The following DLGAP1 variants were observed in gnomAD, a reference collection of about 807,000 sequenced individuals.
DLGAP1 encodes the protein disks large-associated protein 1.
DLGAP1 carries 11 observed loss-of-function variants against 90.8 expected under a neutral mutation model. That is an observed-to-expected ratio of 0.12 (90% CI 0.08 to 0.20). DLGAP1 has a LOEUF of 0.20. Among genes scored for constraint, DLGAP1 ranks in the 10% least tolerant of loss-of-function variants. The pLI is 1.00. For synonymous variants in DLGAP1, 558 were observed against 540.7 expected (o/e 1.03, Z -0.44); for missense variants, 1,050 against 1,333.8 (o/e 0.79, Z 3.31).
intron 1 of DLGAP1, among the ~76,000 whole-genome samples, chr18:4,219,984 A>C (rs1037524446): frequency 3.3e-5 from 5 of 152,048 alleles, no homozygotes; most frequent in African/African-American, 1.2e-4. Flanking sequence ...GTTCCATATA[A>C]ATTTTAGGAC....
chr18:4,151,128 T>TA (rs767140275), intron 2 of DLGAP1, 52 bp downstream of exon 2: 32 of 152,198 alleles, frequency 2.1e-4, no homozygotes, highest in Non-Finnish European at 4.3e-4. Flanking sequence ...AGGAAGCTGT[T>TA]ATTTAAGAAA....
chr18:3,928,775 A>T (rs1371661363), intron 3 of DLGAP1, among the ~76,000 whole-genome samples: 1 of 152,154 alleles, frequency 6.6e-6, no homozygotes, highest in Non-Finnish European at 1.5e-5. Context: ...TGCCGAATTC[A>T]TATGCCTTAC....
intron 7 of DLGAP1, among the ~76,000 whole-genome samples, chr18:3,645,832 T>TG (rs1193351768): frequency 1.3e-5 from 2 of 152,220 alleles, no homozygotes; most frequent in African/African-American, 4.8e-5. Context: ...GAAATAGTAG[T>TG]AAGGGCATTT....
chr18:4,432,930 A>T lies in DLGAP1; in HGVS notation c.-267+22076T>A, dbSNP rs183001410. ...ACAATCAGTTCATATAGGTCTTTTTAAAAAAAACACTAAGTTATTTAACTA... is the reference window on the plus strand; with the variant it reads ...ACAATCAGTTCATATAGGTCTTTTTTAAAAAAACACTAAGTTATTTAACTA... On this transcript the variant is annotated intron_variant, in intron 1 of 12. Transcript: ENST00000315677. Among the ~76,000 whole-genome samples the T allele has an allele frequency of 6.9e-4, 102 of 148,286 alleles. 1 individual carries two copies. The East Asian group carries it at 8.3e-3, about 12-fold the overall frequency.
intron 5 of DLGAP1, among the ~76,000 whole-genome samples, chr18:3,784,138 T>C (rs1400864003): frequency 6.6e-6 from 1 of 152,034 alleles, no homozygotes; most frequent in Non-Finnish European, 1.5e-5. Flanking sequence ...ACAAATTGTG[T>C]TTGTGTGTAT....
intron 1 of DLGAP1, among the ~76,000 whole-genome samples, chr18:4,179,862 AC>A (rs2077177523): frequency 6.6e-6 from 1 of 152,182 alleles, no homozygotes; most frequent in South Asian, 2.1e-4. Context: ...TGGGGAAGGC[AC>A]TTTACCTCTC....
At chr18:4,411,844 A>G (rs1197495313) in intron 1 of DLGAP1, among the ~76,000 whole-genome samples, 2 of 152,162 alleles carry the variant, frequency 1.3e-5, no homozygotes, top group African/African-American at 2.4e-5. Flanking sequence ...AAGAGGAGAA[A>G]GAGAAATCTG....
At chr18:3,617,351 C>A (rs1449858305) in intron 7 of DLGAP1, among the ~76,000 whole-genome samples, 1 of 152,152 alleles carries the variant, frequency 6.6e-6, no homozygotes, top group African/African-American at 2.4e-5. Flanking sequence ...GTAATCCCGG[C>A]ACTCTGGGAG....
At chr18:3,987,899 C>T (rs2073874545) in intron 3 of DLGAP1, among the ~76,000 whole-genome samples, 1 of 152,126 alleles carries the variant, frequency 6.6e-6, no homozygotes, top group African/African-American at 2.4e-5. Context: ...TGGTGCCCAA[C>T]CTTTTTGGCA....
At chr18:4,093,732 T>C (rs746283893) in intron 2 of DLGAP1, among the ~76,000 whole-genome samples, 1 of 152,202 alleles carries the variant, frequency 6.6e-6, no homozygotes, top group African/African-American at 2.4e-5. Flanking sequence ...TCTCTTCCTC[T>C]ACAAGCAATC....
chr18:4,124,845 T>A (rs527789086), intron 2 of DLGAP1, among the ~76,000 whole-genome samples: 107 of 152,312 alleles, frequency 7.0e-4, no homozygotes, highest in African/African-American at 2.5e-3. Context: ...AGGCCATGCA[T>A]ACATCCCAGG....
chr18:4,168,269 C>T (rs969325719), intron 1 of DLGAP1, among the ~76,000 whole-genome samples: 2 of 152,014 alleles, frequency 1.3e-5, no homozygotes, highest in African/African-American at 4.8e-5. Flanking sequence ...AACAGGAAAC[C>T]CAGAAATAGG....
At chr18:3,819,594 A>G (rs1461142727) in intron 4 of DLGAP1, among the ~76,000 whole-genome samples, 1 of 152,198 alleles carries the variant, frequency 6.6e-6, no homozygotes, top group East Asian at 1.9e-4. Flanking sequence ...ACATAAGTTC[A>G]CATAATGTCT....
intron 1 of DLGAP1, among the ~76,000 whole-genome samples, chr18:4,255,071 G>A (rs961257195): frequency 1.3e-5 from 2 of 152,116 alleles, no homozygotes; most frequent in Non-Finnish European, 2.9e-5. Flanking sequence ...CGAGTGCTGG[G>A]GCACAGCAGG....
chr18:3,502,570 T>C lies in DLGAP1; in HGVS notation c.2647A>G (p.Asn883Asp), dbSNP rs761458300. 1.2e-5 allele frequency: 20 copies of C among 1,614,142 alleles called. No homozygotes were observed. Among genetic ancestry groups the C allele is most frequent in the Non-Finnish European group, 1.4e-5 (17 of 1,180,010 alleles). ...AGTTCATCAAATTTCATACTAATAT[T>C]TTCTATGGACAACTGCAGCATGTCC... ...FWDMLQLSIENISMKFDELHQ... is the reference protein window; with the variant it reads ...FWDMLQLSIEDISMKFDELHQ... The change falls in exon 12 of 13, where the codon AAT becomes GAT. Residue 883 changes from asparagine (N) to aspartate (D), a missense_variant. This residue lies in a region of DLGAP1 where 565 missense variants were observed against 879.7 expected (regional missense o/e 0.64). Coordinates refer to ENST00000315677, the MANE Select transcript of DLGAP1 (RefSeq NM_004746.4).
chr18:3,636,346 T>C (rs1454031890), intron 7 of DLGAP1, among the ~76,000 whole-genome samples: 2 of 151,674 alleles, frequency 1.3e-5, no homozygotes, highest in African/African-American at 4.8e-5. Context: ...TCACTATTTC[T>C]GAGTCCAGAC....
At chr18:3,643,536 G>A (rs568047297) in intron 7 of DLGAP1, among the ~76,000 whole-genome samples, 10 of 151,936 alleles carry the variant, frequency 6.6e-5, no homozygotes, top group East Asian at 1.9e-4. Context: ...GGTGGCAGGC[G>A]CCTGTAGTTC....
Position 3,499,007 on chromosome 18 carries a change from G to A in DLGAP1, c.*178C>T, listed in dbSNP as rs1285047575. 5.1e-6 allele frequency: 3 copies of A among 582,550 alleles called. No individual in the cohort carries two copies. The highest frequency in any genetic ancestry group is 8.9e-6 in the Non-Finnish European group (3 of 336,782). The allele number at this position is 582,550 out of a possible 1,614,324, so 36.1% of individuals were successfully genotyped here. On this transcript the variant is annotated 3_prime_UTR_variant, in exon 13 of 13. Coordinates refer to ENST00000315677, the MANE Select transcript of DLGAP1 (RefSeq NM_004746.4). The surrounding 1 kb of genome is among the most constrained non-coding windows in gnomAD (Gnocchi z 6.4). ...GGAGATGGGCAAACGGGTACGGGAA[G>A]TGGGGGGCTGAGGGGGGCCCGGGGG...
At chr18:3,541,339 GC>G (rs762860533) in intron 9 of DLGAP1, among the ~76,000 whole-genome samples, 5 of 152,218 alleles carry the variant, frequency 3.3e-5, no homozygotes, top group Admixed American at 6.5e-5. Context: ...CAGGAGTTAT[GC>G]CAAGTTTCAG....
Sources: gnomAD v4.1 joint callset for allele counts (sites outside exome capture counted in the v4.1 genomes callset) on GRCh38, gnomAD v4.1.1 for gene constraint, gnomAD v4.1.1 regional missense constraint, Gnocchi (gnomAD v3.1) non-coding constraint, MANE v1.5 for transcripts, NCBI Gene and HGNC (gene_info 2026-07-23, HGNC 2026-07-21) for gene names.